RIMS4: variants seen among roughly 807,000 people sequenced by gnomAD.
RIMS4 encodes the protein regulating synaptic membrane exocytosis 4.
Under a neutral mutation model 29.0 loss-of-function variants are expected in RIMS4, and 9 were observed. The ratio of observed to expected loss-of-function variants is 0.31; its 90% CI spans 0.19 to 0.54. The LOEUF is 0.54. RIMS4 is among the 20% of genes least tolerant of loss of function. The pLI, the probability that RIMS4 is intolerant of heterozygous loss-of-function variation, is 0.94. For synonymous variants in RIMS4, 130 were observed against 152.9 expected (o/e 0.85, Z 1.10); for missense variants, 193 against 365.7 (o/e 0.53, Z 3.85).
At chr20:44,780,460 C>A (rs1264083250) in intron 1 of RIMS4, among the ~76,000 whole-genome samples, 1 of 152,168 alleles carries the variant, frequency 6.6e-6, no homozygotes, top group Admixed American at 6.5e-5. Flanking sequence ...GTTTTCAAAC[C>A]ACAATTCCTT....
Position 44,754,129 on chromosome 20 carries a change from G to A in RIMS4, c.*2005C>T, listed in dbSNP as rs1324189923. The stretch of plus-strand genomic sequence containing the variant: ...ATCACACTGGTTAGAAAAACAAACA[G>A]GCAAGGGGCCAATTCTGTGCCTTGA... On this transcript the variant is annotated 3_prime_UTR_variant, in exon 6 of 6. Coordinates refer to ENST00000372851, the MANE Select transcript of RIMS4 (RefSeq NM_182970.4). 1 of 152,184 alleles carries A rather than the reference G, an allele frequency of 6.6e-6. No individual in the cohort carries two copies. 9.4% of individuals were successfully genotyped at this position (152,184 alleles called of 1,614,324 possible).
chr20:44,810,198 T>C lies in RIMS4; in HGVS notation c.74A>G (p.Asn25Ser), dbSNP rs2066318291. Residue 25 changes from asparagine to serine, a missense_variant, in exon 1 of 6, where the codon AAC (asparagine) becomes AGC (serine). By Grantham distance (46) the Asn-to-Ser change is conservative. Coordinates refer to ENST00000372851, the MANE Select transcript of RIMS4 (RefSeq NM_182970.4). ...ACCTGCGTCCTCGTCGTCGAAGGAGTTCATGCACGGGAAGTAGATGGCGAG... is the reference window on the plus strand; with the variant it reads ...ACCTGCGTCCTCGTCGTCGAAGGAGCTCATGCACGGGAAGTAGATGGCGAG... ...EALAIYFPCM[N>S]SFDDEDAGDS... 2 of 1,588,170 alleles carry C rather than the reference T, an allele frequency of 1.3e-6. No homozygotes were observed. The highest frequency in any genetic ancestry group is 2.3e-5 in the East Asian group (1 of 43,424).
chr20:44,801,037 T>A (rs546778369), intron 1 of RIMS4, among the ~76,000 whole-genome samples: 1 of 152,286 alleles, frequency 6.6e-6, no homozygotes, highest in Non-Finnish European at 1.5e-5. Context: ...TGTACATACA[T>A]CCTCTGGAAT....
chr20:44,797,064 A>C (rs2066258232), intron 1 of RIMS4, among the ~76,000 whole-genome samples: 1 of 152,160 alleles, frequency 6.6e-6, no homozygotes, highest in African/African-American at 2.4e-5. Flanking sequence ...GGCAATAACC[A>C]ACTCTCTGAT....
rs948762555 is a variant in RIMS4, at chr20:44,755,633, GC to G, written c.*500del. On this transcript the variant is annotated 3_prime_UTR_variant, in exon 6 of 6. Transcript: ENST00000372851. ...CTCCTCTTCAAGTGGGGGGCTCTGG[GC>G]CCCTGGGAGCTGGCTCCGGATCCTT... is the stretch of plus-strand genomic sequence containing the variant. The G allele has an allele frequency of 2.0e-5, 3 of 153,700 alleles. No homozygotes were observed. Among genetic ancestry groups the G allele is most frequent in the African/African-American group, 7.2e-5 (3 of 41,476 alleles). 9.5% of individuals were successfully genotyped at this position (153,700 alleles called of 1,614,324 possible).
chr20:44,757,245 G>T (rs1249300967), intron 4 of RIMS4, among the ~76,000 whole-genome samples: 4 of 151,936 alleles, frequency 2.6e-5, no homozygotes, highest in Non-Finnish European at 5.9e-5. Flanking sequence ...ACCTCCTCTG[G>T]TGGTCCTCAC....
At position 44,757,523 on chromosome 20, in the gene RIMS4, A is replaced by AACTACC. The variant is rs1217819247; in HGVS notation, c.451+141_451+146dup. ...CAACTGGCTCTTCAAACAAACCCTA[A>AACTACC]ACTACCAATTCCACATAAGACATCA... On this transcript the variant is annotated intron_variant, in intron 4 of 5. Coordinates refer to ENST00000372851, the MANE Select transcript of RIMS4 (RefSeq NM_182970.4). 6.0e-6 allele frequency: 4 copies of AACTACC among 662,348 alleles called. No homozygotes were observed. The Admixed American group carries it at 9.2e-5, about 15-fold the overall frequency. The allele number at this position is 662,348 out of a possible 1,614,324, so 41.0% of individuals were successfully genotyped here.
At chr20:44,764,213 C>T (rs376987332) in intron 2 of RIMS4, among the ~76,000 whole-genome samples, 83 of 106,126 alleles carry the variant, frequency 7.8e-4, no homozygotes, top group African/African-American at 2.5e-3. Flanking sequence ...CATCCATCCA[C>T]CCATCCATCC....
intron 1 of RIMS4, among the ~76,000 whole-genome samples, chr20:44,775,582 C>A (rs1394371834): frequency 1.3e-5 from 2 of 152,232 alleles, no homozygotes; most frequent in African/African-American, 4.8e-5. Context: ...CCCAGAGTAA[C>A]CCCACAGCGG....
At chr20:44,761,552 T>C (rs1268786009) in intron 2 of RIMS4, among the ~76,000 whole-genome samples, 1 of 152,170 alleles carries the variant, frequency 6.6e-6, no homozygotes, top group Admixed American at 6.5e-5. Flanking sequence ...TGCAGGTGAA[T>C]GTTCACCCAG....
At chr20:44,777,426 T>C (rs2145459481) in intron 1 of RIMS4, among the ~76,000 whole-genome samples, 1 of 152,340 alleles carries the variant, frequency 6.6e-6, no homozygotes, top group East Asian at 1.9e-4. Flanking sequence ...CTATTGTTTT[T>C]AGCATTTACC....
rs1893405473 is a variant in RIMS4, at chr20:44,756,046, C to A, written c.*88G>T. 2 of 1,050,690 alleles carry A rather than the reference C, an allele frequency of 1.9e-6. No individual in the cohort carries two copies. The highest frequency in any genetic ancestry group is 4.4e-5 in the Admixed American group (2 of 45,970). The allele number at this position is 1,050,690 out of a possible 1,614,324, so 65.1% of individuals were successfully genotyped here. Reference sequence around the variant, plus strand: ...CCACTGTGGGGGAGAGCCCCGTCCTCCTGTTCAATGTGCCCCTGGGCCTGG... The same window carrying A: ...CCACTGTGGGGGAGAGCCCCGTCCTACTGTTCAATGTGCCCCTGGGCCTGG... On this transcript the variant is annotated 3_prime_UTR_variant, in exon 6 of 6. Coordinates refer to ENST00000372851, the MANE Select transcript of RIMS4 (RefSeq NM_182970.4). This position sits in a 1 kb window ranked among gnomAD's most constrained non-coding sequence, Gnocchi z 5.9.
chr20:44,789,722 A>C (rs1449143650), intron 1 of RIMS4, among the ~76,000 whole-genome samples: 1 of 152,074 alleles, frequency 6.6e-6, no homozygotes, highest in East Asian at 1.9e-4. Context: ...CATCTGGCTG[A>C]GTTTTATTTA....
chr20:44,793,393 A>T (rs1353541451), intron 1 of RIMS4, among the ~76,000 whole-genome samples: 2 of 152,200 alleles, frequency 1.3e-5, no homozygotes, highest in Non-Finnish European at 2.9e-5. Flanking sequence ...GCCACAGATG[A>T]ATGCGGAGGG....
At chr20:44,804,160 C>G (rs1314431053) in intron 1 of RIMS4, among the ~76,000 whole-genome samples, 1 of 152,236 alleles carries the variant, frequency 6.6e-6, no homozygotes, top group Non-Finnish European at 1.5e-5. Context: ...AAAATGGGTA[C>G]ATCTGCAACA....
chr20:44,773,619 C>G (rs998739459), intron 1 of RIMS4, among the ~76,000 whole-genome samples: 1 of 152,192 alleles, frequency 6.6e-6, no homozygotes, highest in African/African-American at 2.4e-5. Context: ...CCGGATCCAT[C>G]TCCACCTACC....
At chr20:44,799,529 G>C (rs1046092945) in intron 1 of RIMS4, among the ~76,000 whole-genome samples, 34 of 152,210 alleles carry the variant, frequency 2.2e-4, no homozygotes, top group African/African-American at 8.0e-4. Context: ...GCTGATGAAA[G>C]ATGCTGCTCA....
intron 2 of RIMS4, among the ~76,000 whole-genome samples, chr20:44,760,379 C>G (rs910758039): frequency 6.6e-6 from 1 of 152,194 alleles, no homozygotes; most frequent in African/African-American, 2.4e-5. Flanking sequence ...TGGGAGATCT[C>G]TGAGGCTCTC....
intron 1 of RIMS4, 33 bp downstream of exon 1, chr20:44,810,142 C>G (rs766205371): frequency 5.5e-6 from 8 of 1,454,146 alleles, no homozygotes; most frequent in African/African-American, 1.4e-5. Flanking sequence ...CCCGGGACAC[C>G]CCGGGGGTCT....
Sources: gnomAD v4.1 joint callset for allele counts (sites outside exome capture counted in the v4.1 genomes callset) on GRCh38, gnomAD v4.1.1 for gene constraint, Gnocchi (gnomAD v3.1) non-coding constraint, MANE v1.5 for transcripts, NCBI Gene and HGNC (gene_info 2026-07-23, HGNC 2026-07-21) for gene names.